The following KCNH5 variants were observed in gnomAD, a reference collection of about 807,000 sequenced individuals.
The protein encoded by KCNH5 is potassium voltage-gated channel subfamily H member 5, also known as voltage-gated delayed rectifier potassium channel KCNH5.
Under a neutral mutation model 96.1 loss-of-function variants are expected in KCNH5, and 46 were observed. The observed-to-expected ratio is 0.48, with a 90% CI of 0.38 to 0.61. The LOEUF (loss-of-function observed/expected upper bound fraction) is 0.61. Ranked by LOEUF, KCNH5 falls within the 20% of genes least tolerant of loss-of-function variation. The pLI is 0.00. For missense variants in KCNH5, 907 were observed against 1,225.8 expected (o/e 0.74, Z 3.88); for synonymous variants, 439 against 449.8 (o/e 0.98, Z 0.30).
chr14:62,939,170 C>G (rs1202388568), intron 7 of KCNH5, among the ~76,000 whole-genome samples: 1 of 152,192 alleles, frequency 6.6e-6, no homozygotes, highest in African/African-American at 2.4e-5. Context: ...GACTTCCTCT[C>G]TCAGTGGTCC....
chr14:62,996,798 G>A (rs1482912262), intron 4 of KCNH5, among the ~76,000 whole-genome samples: 2 of 152,102 alleles, frequency 1.3e-5, no homozygotes, highest in Non-Finnish European at 2.9e-5. Context: ...ACTTTCTTTG[G>A]CCAACTTCAT....
chr14:63,010,087 T>C (rs982453960), intron 2 of KCNH5, among the ~76,000 whole-genome samples: 1 of 152,120 alleles, frequency 6.6e-6, no homozygotes, highest in African/African-American at 2.4e-5. Context: ...TGTTACTTTA[T>C]TGAAAGGAAA....
chr14:62,939,059 G>C (rs1334045302), intron 7 of KCNH5, among the ~76,000 whole-genome samples: 1 of 152,046 alleles, frequency 6.6e-6, no homozygotes, highest in East Asian at 1.9e-4. Flanking sequence ...AAACGGTTTG[G>C]ACCCCATGAG....
At chr14:62,844,623 AT>A (rs1566679511) in intron 8 of KCNH5, among the ~76,000 whole-genome samples, 1 of 152,206 alleles carries the variant, frequency 6.6e-6, no homozygotes, top group Non-Finnish European at 1.5e-5. Flanking sequence ...TTTAAAAAAA[AT>A]CTAAAGCAAC....
At chr14:62,766,218 C>T (rs1885856983) in intron 10 of KCNH5, among the ~76,000 whole-genome samples, 1 of 152,132 alleles carries the variant, frequency 6.6e-6, no homozygotes, top group Non-Finnish European at 1.5e-5. Flanking sequence ...ATCTTGTGCA[C>T]TGTGGGTGAG....
intron 5 of KCNH5, among the ~76,000 whole-genome samples, chr14:62,983,715 A>G (rs1387466792): frequency 1.3e-5 from 2 of 152,178 alleles, no homozygotes; most frequent in East Asian, 3.9e-4. Flanking sequence ...GGAAGTTTTA[A>G]AAGAATACAG....
At chr14:63,012,274 T>C (rs1024828645) in intron 2 of KCNH5, among the ~76,000 whole-genome samples, 1 of 152,100 alleles carries the variant, frequency 6.6e-6, no homozygotes, top group African/African-American at 2.4e-5. Flanking sequence ...GCGTGGAAAA[T>C]GCAGTGTCCA....
At chr14:62,842,034 C>T (rs772598034) in intron 8 of KCNH5, among the ~76,000 whole-genome samples, 4 of 152,132 alleles carry the variant, frequency 2.6e-5, no homozygotes, top group East Asian at 1.9e-4. Context: ...TAAATTTCAA[C>T]GTGATACAAG....
intron 10 of KCNH5, among the ~76,000 whole-genome samples, chr14:62,747,146 C>A (rs1052334310): frequency 1.3e-5 from 2 of 152,188 alleles, no homozygotes; most frequent in African/African-American, 4.8e-5. Flanking sequence ...CCAGCCTGGC[C>A]AACATGGTGA....
rs563981444 is a variant in KCNH5 at position 63,034,960 on chromosome 14, T to C, written c.73+10154A>G. On this transcript the variant is annotated intron_variant, in intron 1 of 10. Coordinates refer to ENST00000322893, the MANE Select transcript of KCNH5 (RefSeq NM_139318.5). ...CTGGTCAGAATCATTAGAAGCAAAA[T>C]ATAATTGCAATAATGGCCTATTTGA... Among the ~76,000 whole-genome samples the C allele has an allele frequency of 1.9e-4, 29 of 152,290 alleles. No individual in the cohort carries two copies. In the South Asian group the frequency reaches 5.2e-3, roughly 27 times the overall value.
rs1884359885 is a variant in KCNH5, at chr14:62,702,263, A to G, written c.*5245T>C. ...TGGGACAGGGCACCTTTTGCTTAAG[A>G]CAGTATGATTTCAAACTCTGTCATT... On this transcript the variant is annotated 3_prime_UTR_variant, in exon 11 of 11. Coordinates refer to ENST00000322893, the MANE Select transcript of KCNH5 (RefSeq NM_139318.5). 1 of 152,088 alleles carries G rather than the reference A, an allele frequency of 6.6e-6. No individual in the cohort carries two copies. Among genetic ancestry groups the G allele is most frequent in the Non-Finnish European group, 1.5e-5 (1 of 67,928 alleles). 9.4% of individuals were successfully genotyped at this position (152,088 alleles called of 1,614,324 possible).
intron 10 of KCNH5, among the ~76,000 whole-genome samples, chr14:62,735,415 T>C (rs1212668277): frequency 6.6e-6 from 1 of 152,158 alleles, no homozygotes; most frequent in Non-Finnish European, 1.5e-5. Context: ...ACTGAACATA[T>C]GGATTAGATG....
At chr14:63,003,575 A>T (rs1397646883) in intron 3 of KCNH5, among the ~76,000 whole-genome samples, 3 of 125,262 alleles carry the variant, frequency 2.4e-5, no homozygotes, top group Non-Finnish European at 3.2e-5. Flanking sequence ...ATTTATATTT[A>T]TATACATAAT....
At chr14:62,789,413 G>T (rs1239586500) in intron 9 of KCNH5, among the ~76,000 whole-genome samples, 1 of 151,968 alleles carries the variant, frequency 6.6e-6, no homozygotes, top group Admixed American at 6.6e-5. Context: ...ATCTCTAGGA[G>T]GTGATAAATT....
intron 7 of KCNH5, among the ~76,000 whole-genome samples, chr14:62,906,591 A>G (rs994885371): frequency 6.6e-6 from 1 of 152,240 alleles, no homozygotes; most frequent in African/African-American, 2.4e-5. Context: ...TCTGTTGAAC[A>G]ACAAATAGAA....
chr14:62,881,800 A>G (rs1332113298), intron 7 of KCNH5, among the ~76,000 whole-genome samples: 1 of 148,968 alleles, frequency 6.7e-6, no homozygotes, highest in Non-Finnish European at 1.5e-5. Context: ...TCAAAGTCAC[A>G]CTGCTAGTGA....
intron 7 of KCNH5, among the ~76,000 whole-genome samples, chr14:62,901,414 C>T (rs1360448205): frequency 6.6e-6 from 1 of 151,998 alleles, no homozygotes; most frequent in African/African-American, 2.4e-5. Flanking sequence ...GTTTCTATTA[C>T]TGCCATATTT....
intron 7 of KCNH5, among the ~76,000 whole-genome samples, chr14:62,918,887 C>A (rs1889327351): frequency 6.6e-6 from 1 of 151,828 alleles, no homozygotes; most frequent in South Asian, 2.1e-4. Context: ...TGTCCATGTA[C>A]CAAAATACTT....
chr14:62,782,801 A>G (rs1886247273), intron 9 of KCNH5, among the ~76,000 whole-genome samples: 1 of 152,026 alleles, frequency 6.6e-6, no homozygotes, highest in African/African-American at 2.4e-5. Flanking sequence ...ACAGAGTGAG[A>G]CTCCATCTCA....
Sources: allele counts gnomAD v4.1 joint callset (sites outside exome capture counted in the v4.1 genomes callset), GRCh38; gene constraint gnomAD v4.1.1; transcripts MANE v1.5; gene names NCBI Gene and HGNC (gene_info 2026-07-23, HGNC 2026-07-21).